SNX4: variants seen among roughly 807,000 people sequenced by gnomAD.
SNX4 encodes the protein sorting nexin 4, also known as sorting nexin-4.
In SNX4, 49 loss-of-function variants were observed where a neutral mutation model predicts 70.8. That is an observed-to-expected ratio of 0.69 (90% confidence interval 0.55 to 0.88). The LOEUF (loss-of-function observed/expected upper bound fraction) is 0.88. SNX4 is among the 40% of genes least tolerant of loss of function. The probability of loss-of-function intolerance (pLI) is 0.00; values close to 1 mark genes in which losing one functional copy is unlikely to be tolerated. For synonymous variants in SNX4, 206 were observed against 183.8 expected, an observed-to-expected ratio of 1.12 and a Z score of -0.98; for missense variants, 528 against 544.8, an observed-to-expected ratio of 0.97 and a Z score of 0.31.
In SNX4 at chr3:125,479,580, T is replaced by C. The variant is rs144798850; in HGVS notation, c.726+667A>G. Among the ~76,000 whole-genome samples the C allele has an allele frequency of 1.2e-3, 188 of 151,762 alleles. 2 individuals are homozygous for C. Among genetic ancestry groups the C allele is most frequent in the Admixed American group, 1.2e-3 (19 of 15,214 alleles). ...AAAATAATAATAATAATAATAATAA[T>C]AACAACAAAGAGGATTCCAGATTCC... On this transcript the variant is annotated intron_variant, in intron 7 of 13. Transcript: ENST00000251775.
chr3:125,516,597 T>C (rs904799529), intron 1 of SNX4, among the ~76,000 whole-genome samples: 1 of 152,106 alleles, frequency 6.6e-6, no homozygotes, highest in African/African-American at 2.4e-5. Flanking sequence ...TCCCAGCACT[T>C]TGGGAGGCTG....
chr3:125,494,574 G>T (rs976052039), intron 5 of SNX4, among the ~76,000 whole-genome samples: 2 of 152,096 alleles, frequency 1.3e-5, no homozygotes, highest in African/African-American at 2.4e-5. Context: ...CTTTTTTACC[G>T]TTTTTGACAA....
intron 9 of SNX4, 92 bp downstream of exon 9, chr3:125,469,362 C>T (rs1055285874): frequency 1.2e-6 from 1 of 849,786 alleles, no homozygotes; most frequent in Non-Finnish European, 1.9e-6. Context: ...TAAATGCCAG[C>T]AAACTTGATA....
chr3:125,501,406 G>A (rs776003477), intron 2 of SNX4, among the ~76,000 whole-genome samples: 2 of 152,114 alleles, frequency 1.3e-5, no homozygotes. Flanking sequence ...GATCACCTGA[G>A]GTCAGGAGTT....
At chr3:125,512,150 A>G (rs76352823) in intron 1 of SNX4, among the ~76,000 whole-genome samples, 7,326 of 152,256 alleles carry the variant, frequency 0.048, 413 homozygotes, top group African/African-American at 0.13. Flanking sequence ...AAATCACCTA[A>G]GCACAAGCCA....
chr3:125,457,419 T>A, intron 10 of SNX4, 54 bp from the exon 11 acceptor site: 1 of 1,361,722 alleles, frequency 7.3e-7, no homozygotes, highest in Non-Finnish European at 1.0e-6. Flanking sequence ...ATGTCAAACA[T>A]TTTTTTCAAG....
Position 125,495,275 on chromosome 3 carries a change from T to TATATATATATATATATACACACAC in SNX4, c.597+2065_597+2066insGTGTGTGTATATATATATATATAT. 4.7e-3 allele frequency among the ~76,000 whole-genome samples: 390 copies of TATATATATATATATATACACACAC among 83,038 alleles called. 7 individuals are homozygous for TATATATATATATATATACACACAC. Among genetic ancestry groups the TATATATATATATATATACACACAC allele is most frequent in the Non-Finnish European group, 6.7e-3 (257 of 38,194 alleles). 54.5% of individuals were successfully genotyped at this position (83,038 alleles called of 152,430 possible). ...TTATATATATATATATATATATATA[T>TATATATATATATATATACACACAC]ATACACATACACACACACACACGTA... On this transcript the variant is annotated intron_variant, in intron 5 of 13. Coordinates refer to ENST00000251775, the MANE Select transcript of SNX4 (RefSeq NM_003794.4).
intron 4 of SNX4, among the ~76,000 whole-genome samples, 197 bp from the exon 5 acceptor site, chr3:125,497,585 G>A (rs1403988960): frequency 2.6e-5 from 4 of 152,202 alleles, no homozygotes; most frequent in Admixed American, 6.5e-5. Context: ...AGATTTTATA[G>A]ATCTGGGCTT....
chr3:125,514,769 G>T (rs1187022781), intron 1 of SNX4, among the ~76,000 whole-genome samples: 2 of 152,094 alleles, frequency 1.3e-5, no homozygotes, highest in African/African-American at 4.8e-5. Context: ...GCTCACTGCA[G>T]CCTCAACCTC....
At chr3:125,478,824 G>A (rs1461141845) in intron 7 of SNX4, among the ~76,000 whole-genome samples, 2 of 151,824 alleles carry the variant, frequency 1.3e-5, no homozygotes, top group Admixed American at 1.3e-4. Context: ...CACCTCCCAC[G>A]AGAACTATTG....
At chr3:125,499,806 C>T (rs1224211812) in intron 2 of SNX4, among the ~76,000 whole-genome samples, 6 of 150,254 alleles carry the variant, frequency 4.0e-5, no homozygotes, top group Non-Finnish European at 7.4e-5. Flanking sequence ...CGGTGGCTCA[C>T]GCCTGTAATC....
At chr3:125,471,712 T>C (rs988900037) in intron 8 of SNX4, among the ~76,000 whole-genome samples, 1 of 152,214 alleles carries the variant, frequency 6.6e-6, no homozygotes, top group Non-Finnish European at 1.5e-5. Context: ...TACTGGTACT[T>C]AAAACTCTTT....
intron 9 of SNX4, among the ~76,000 whole-genome samples, chr3:125,466,524 C>T (rs77425513): frequency 0.038 from 5,793 of 152,136 alleles, 250 homozygotes; most frequent in African/African-American, 0.093. Context: ...AGATAACTTA[C>T]GAAATGGGAG....
intron 9 of SNX4, among the ~76,000 whole-genome samples, chr3:125,466,900 T>C (rs1038585969): frequency 8.6e-5 from 13 of 151,908 alleles, no homozygotes; most frequent in African/African-American, 3.1e-4. Context: ...CTGGCCAATA[T>C]GGCAAATCCC....
chr3:125,458,814 C>CAAAA (rs71148180), intron 10 of SNX4, among the ~76,000 whole-genome samples: 19 of 64,494 alleles, frequency 2.9e-4, no homozygotes, highest in African/African-American at 1.1e-3. Flanking sequence ...GACTCCGTCT[C>CAAAA]AAAAAAAAAA....
chr3:125,469,565 T>C (rs373301680), intron 8 of SNX4, 46 bp from the exon 9 acceptor site: 103 of 1,255,556 alleles, frequency 8.2e-5, no homozygotes, highest in Middle Eastern at 1.9e-4. Flanking sequence ...ATTAGAGATA[T>C]GGAATAGTAT....
At chr3:125,475,212 C>A (rs1285023597) in intron 8 of SNX4, among the ~76,000 whole-genome samples, 1 of 152,104 alleles carries the variant, frequency 6.6e-6, no homozygotes, top group African/African-American at 2.4e-5. Context: ...ATATGGATAA[C>A]CTACTACTCT....
chr3:125,471,478 G>C (rs191715435), intron 8 of SNX4, among the ~76,000 whole-genome samples: 1 of 151,950 alleles, frequency 6.6e-6, no homozygotes, highest in East Asian at 1.9e-4. Context: ...TAACAAGTTG[G>C]TGTGCCTTTG....
chr3:125,467,607 C>T (rs553462739), intron 9 of SNX4, among the ~76,000 whole-genome samples: 3 of 152,118 alleles, frequency 2.0e-5, no homozygotes, highest in East Asian at 3.9e-4. Flanking sequence ...GAGACTTGTT[C>T]TTGCTATGTT....
Sources: gnomAD v4.1 joint callset for allele counts (sites outside exome capture counted in the v4.1 genomes callset) on GRCh38, gnomAD v4.1.1 for gene constraint, MANE v1.5 for transcripts, NCBI Gene and HGNC (gene_info 2026-07-23, HGNC 2026-07-21) for gene names.